HECW1: variants seen among roughly 807,000 people sequenced by gnomAD.
The protein encoded by HECW1 is E3 ubiquitin-protein ligase HECW1.
In HECW1, 61 loss-of-function variants were observed where a neutral mutation model predicts 182.3. The observed-to-expected ratio is 0.33, with a 90% CI of 0.27 to 0.41. The LOEUF (loss-of-function observed/expected upper bound fraction) is 0.41. HECW1 is among the 10% of genes least tolerant of loss of function. The probability of loss-of-function intolerance (pLI) is 1.00; values close to 1 mark genes in which losing one functional copy is unlikely to be tolerated. For missense variants in HECW1, 1,739 were observed against 2,108.9 expected, an observed-to-expected ratio of 0.82 and a Z score of 3.44; for synonymous variants, 859 against 832.6, an observed-to-expected ratio of 1.03 and a Z score of -0.55.
At chr7:43,272,228 A>G (rs1206697665) in intron 3 of HECW1, among the ~76,000 whole-genome samples, 1 of 152,180 alleles carries the variant, frequency 6.6e-6, no homozygotes, top group Non-Finnish European at 1.5e-5. Context: ...TCAAACTATA[A>G]GAATCCTAGA....
intron 5 of HECW1, among the ~76,000 whole-genome samples, chr7:43,350,276 C>T (rs1448291526): frequency 6.6e-6 from 1 of 152,158 alleles, no homozygotes; most frequent in African/African-American, 2.4e-5. Flanking sequence ...CCTGGTGCTT[C>T]TATCTCACAG....
At chr7:43,154,425 T>C (rs956933818) in intron 2 of HECW1, among the ~76,000 whole-genome samples, 5 of 152,170 alleles carry the variant, frequency 3.3e-5, no homozygotes, top group African/African-American at 1.2e-4. Flanking sequence ...CAAAATAAAT[T>C]ATGGTAAAAT....
chr7:43,147,004 C>T (rs536843904), intron 2 of HECW1, among the ~76,000 whole-genome samples: 1 of 152,296 alleles, frequency 6.6e-6, no homozygotes, highest in African/African-American at 2.4e-5. Flanking sequence ...CTTTATGTGG[C>T]AGTGTATTTG....
At chr7:43,429,509 G>A (rs565376045) in intron 8 of HECW1, among the ~76,000 whole-genome samples, 6 of 151,846 alleles carry the variant, frequency 4.0e-5, no homozygotes, top group African/African-American at 7.2e-5. Flanking sequence ...CATTGCTAGC[G>A]AGAAGGGGGA....
chr7:43,125,492 C>T (rs1304008651), intron 2 of HECW1, among the ~76,000 whole-genome samples: 1 of 151,756 alleles, frequency 6.6e-6, no homozygotes, highest in Non-Finnish European at 1.5e-5. Context: ...TGTGGTGGCT[C>T]ACGCCTGTAA....
intron 3 of HECW1, among the ~76,000 whole-genome samples, chr7:43,297,584 T>A (rs1806204179): frequency 6.6e-6 from 1 of 152,136 alleles, no homozygotes; most frequent in South Asian, 2.1e-4. Context: ...ACAGCAAGGA[T>A]CCATCATGCC....
chr7:43,493,791 G>A (rs551747220), intron 19 of HECW1, among the ~76,000 whole-genome samples: 2 of 152,282 alleles, frequency 1.3e-5, no homozygotes, highest in East Asian at 3.9e-4. Flanking sequence ...CCAAAATCTG[G>A]AGAGGCATGG....
intron 2 of HECW1, among the ~76,000 whole-genome samples, chr7:43,140,495 C>T (rs1365942271): frequency 2.0e-5 from 3 of 152,196 alleles, no homozygotes; most frequent in Non-Finnish European, 4.4e-5. Context: ...ACTCATTAAC[C>T]GTGAAGAACC....
intron 2 of HECW1, among the ~76,000 whole-genome samples, chr7:43,201,036 C>T (rs899910233): frequency 8.6e-5 from 13 of 152,016 alleles, no homozygotes; most frequent in Non-Finnish European, 1.5e-5. Flanking sequence ...TATTTTGAAA[C>T]GTGGGAGAAG....
intron 2 of HECW1, among the ~76,000 whole-genome samples, chr7:43,205,454 G>T (rs1222440258): frequency 6.6e-6 from 1 of 152,162 alleles, no homozygotes; most frequent in Non-Finnish European, 1.5e-5. Flanking sequence ...AACTATGCTA[G>T]TGTTTATTCA....
intron 24 of HECW1, chr7:43,523,238 C>T (rs569075700): frequency 8.5e-6 from 2 of 234,672 alleles, no homozygotes; most frequent in African/African-American, 4.7e-5. Flanking sequence ...CTCCTGACCT[C>T]AGTTGATTCA....
At chr7:43,252,099 C>G (rs891492703) in intron 3 of HECW1, among the ~76,000 whole-genome samples, 8 of 152,196 alleles carry the variant, frequency 5.3e-5, no homozygotes, top group Non-Finnish European at 7.3e-5. Flanking sequence ...ATGTGCATCA[C>G]TATCAGAACC....
At chr7:43,473,063 A>T (rs932143827) in intron 16 of HECW1, among the ~76,000 whole-genome samples, 1 of 152,200 alleles carries the variant, frequency 6.6e-6, no homozygotes, top group African/African-American at 2.4e-5. Flanking sequence ...CCTCAGGAAG[A>T]ACTGGTGCCA....
chr7:43,381,488 A>ATT (rs34238162), intron 6 of HECW1, among the ~76,000 whole-genome samples: 58 of 135,020 alleles, frequency 4.3e-4, no homozygotes, highest in East Asian at 1.3e-3. Flanking sequence ...TGCATGGCTA[A>ATT]TTTTTTTTTT....
At chr7:43,440,955 A>C (rs1391143164) in intron 9 of HECW1, among the ~76,000 whole-genome samples, 1 of 152,240 alleles carries the variant, frequency 6.6e-6, no homozygotes, top group African/African-American at 2.4e-5. Context: ...AAACACTATC[A>C]GCCAGTGATT....
intron 2 of HECW1, among the ~76,000 whole-genome samples, chr7:43,186,154 G>A (rs1032219396): frequency 2.6e-5 from 4 of 152,146 alleles, no homozygotes; most frequent in African/African-American, 9.7e-5. Context: ...TTAAACAGGA[G>A]GATTCCATTA....
In HECW1 at chr7:43,456,331, C is replaced by A. The variant is rs1373464469; in HGVS notation, c.2535C>A (p.Val845=). The change falls in exon 13 of 30, where the codon GTC becomes GTA. Residue 845 remains valine (V), a synonymous_variant. Coordinates refer to ENST00000395891, the MANE Select transcript of HECW1 (RefSeq NM_015052.5). Reference sequence around the variant, plus strand: ...CTCGAATTGACAGCCACGGGCGGGTCTTTTATGTGGACCACGTGAACCGCA... The same window carrying A: ...CTCGAATTGACAGCCACGGGCGGGTATTTTATGTGGACCACGTGAACCGCA... ...WEARIDSHGR[V]FYVDHVNRTT... The A allele has an allele frequency of 6.2e-7, 1 of 1,613,720 alleles. No homozygotes were observed. Among genetic ancestry groups the A allele is most frequent in the South Asian group, 1.1e-5 (1 of 90,940 alleles).
At position 43,561,993 on chromosome 7, in the gene HECW1, T is replaced by C; in HGVS notation, c.*67T>C. The C allele has an allele frequency of 1.1e-6, 1 of 887,894 alleles. No individual in the cohort carries two copies. The highest frequency in any genetic ancestry group is 1.9e-6 in the Non-Finnish European group (1 of 538,008). The allele number at this position is 887,894 out of a possible 1,614,324, so 55.0% of individuals were successfully genotyped here. A position where few individuals can be genotyped will look rare whatever the true frequency, so the allele number is the denominator to read the frequency against. ...CACCCTTCCTGGGATGATCCCCTTT[T>C]CCCTTTCCCTTAATCAACTCTCCTT... On this transcript the variant is annotated 3_prime_UTR_variant, in exon 30 of 30. Coordinates refer to ENST00000395891, the MANE Select transcript of HECW1 (RefSeq NM_015052.5).
chr7:43,528,628 G>A (rs2080857410), intron 24 of HECW1, among the ~76,000 whole-genome samples: 3 of 152,150 alleles, frequency 2.0e-5, no homozygotes, highest in South Asian at 4.1e-4. Flanking sequence ...TTTTAGAAGT[G>A]CTTTCTCTAA....
Sources: allele counts gnomAD v4.1 joint callset (sites outside exome capture counted in the v4.1 genomes callset), GRCh38; gene constraint gnomAD v4.1.1; transcripts MANE v1.5; gene names NCBI Gene and HGNC (gene_info 2026-07-23, HGNC 2026-07-21).